Variants in PCDHA6 observed in about 807,000 individuals in gnomAD.
The protein encoded by PCDHA6 is protocadherin alpha-6.
In PCDHA6, 55 loss-of-function variants were observed where a neutral mutation model predicts 60.3. The ratio of observed to expected loss-of-function variants is 0.91; its 90% CI spans 0.73 to 1.14. The LOEUF is 1.14. Ranked by LOEUF, PCDHA6 falls within the 50% of genes most tolerant of loss-of-function variation. PCDHA6 has a pLI of 0.00. For synonymous variants in PCDHA6, 652 were observed against 557.9 expected, an observed-to-expected ratio of 1.17 and a Z score of -2.38; for missense variants, 1,327 against 1,256.5, an observed-to-expected ratio of 1.06 and a Z score of -0.85.
chr5:140,933,545 A>G (rs1424166462), intron 1 of PCDHA6, among the ~76,000 whole-genome samples: 1 of 152,114 alleles, frequency 6.6e-6, no homozygotes, highest in Non-Finnish European at 1.5e-5. Flanking sequence ...TAATGTTAAT[A>G]TAAAATAAAA....
intron 1 of PCDHA6, among the ~76,000 whole-genome samples, chr5:140,920,659 C>T (rs1325541731): frequency 1.3e-5 from 2 of 152,098 alleles, no homozygotes; most frequent in East Asian, 3.9e-4. Flanking sequence ...TCCTTGCCAA[C>T]ATGGTGAAAC....
chr5:140,850,940 A>G (rs2150503150), intron 1 of PCDHA6: 2 of 1,507,156 alleles, frequency 1.3e-6, no homozygotes, highest in East Asian at 2.3e-5. Context: ...TTCTTGAAAG[A>G]TATTATCGAT....
chr5:140,911,234 C>T (rs1554194655), intron 1 of PCDHA6, among the ~76,000 whole-genome samples: 1 of 151,890 alleles, frequency 6.6e-6, no homozygotes, highest in East Asian at 1.9e-4. Context: ...TTTCTTCTGG[C>T]AAAAAAAGTT....
At chr5:140,830,610 T>A in intron 1 of PCDHA6, 125 bp downstream of exon 1, 1 of 618,590 alleles carries the variant, frequency 1.6e-6, no homozygotes, top group Non-Finnish European at 2.5e-6. Context: ...ATATTTTCAT[T>A]TTATTGTGTT....
chr5:140,966,281 G>T, intron 1 of PCDHA6: 1 of 366,828 alleles, frequency 2.7e-6, no homozygotes, highest in Non-Finnish European at 4.8e-6. Context: ...TGGACAGTGG[G>T]GGTAGGGAGA....
intron 1 of PCDHA6, chr5:140,882,791 A>G (rs1554175610): frequency 6.2e-7 from 1 of 1,614,254 alleles, no homozygotes; most frequent in South Asian, 1.1e-5. Context: ...ACTGGATCCC[A>G]ACGATTATTT....
At chr5:140,852,255 T>A (rs1554145733) in intron 1 of PCDHA6, 1 of 511,528 alleles carries the variant, frequency 2.0e-6, no homozygotes, top group Middle Eastern at 9.9e-4. Context: ...ACTTTTGGAA[T>A]ATGCTACAAT....
intron 1 of PCDHA6, chr5:140,852,775 T>G (rs1554146101): frequency 1.0e-6 from 1 of 980,592 alleles, no homozygotes; most frequent in African/African-American, 1.8e-5. Context: ...TTATTTGATG[T>G]GAATAGAGGG....
chr5:140,944,136 G>A (rs536816208), intron 1 of PCDHA6, among the ~76,000 whole-genome samples: 3 of 152,136 alleles, frequency 2.0e-5, no homozygotes, highest in African/African-American at 7.2e-5. Context: ...AAAGGTTGAA[G>A]ATTAGAAGAG....
chr5:140,887,101 CTTT>C (rs200717289), intron 1 of PCDHA6, among the ~76,000 whole-genome samples: 1 of 145,292 alleles, frequency 6.9e-6, no homozygotes, highest in African/African-American at 2.5e-5. Flanking sequence ...ATCTTTATCT[CTTT>C]TTTTTTTTTT....
chr5:140,969,863 C>A (rs1305470999), intron 1 of PCDHA6, among the ~76,000 whole-genome samples: 1 of 152,156 alleles, frequency 6.6e-6, no homozygotes, highest in Non-Finnish European at 1.5e-5. Context: ...CTGGTACTTG[C>A]ACTGAACCTA....
intron 1 of PCDHA6, chr5:140,869,773 G>A (rs1554163437): frequency 6.2e-7 from 1 of 1,612,948 alleles, no homozygotes; most frequent in Non-Finnish European, 8.5e-7. Context: ...AGAGCTTACT[G>A]GCACCGTTCG....
intron 3 of PCDHA6, among the ~76,000 whole-genome samples, chr5:140,986,690 AAC>A (rs2097209708): frequency 6.6e-6 from 1 of 152,172 alleles, no homozygotes; most frequent in South Asian, 2.1e-4. Context: ...AAAGTTTCAA[AAC>A]ACACAGCACT....
chr5:140,937,511 G>A (rs569896730), intron 1 of PCDHA6, among the ~76,000 whole-genome samples: 2 of 152,166 alleles, frequency 1.3e-5, no homozygotes, highest in Non-Finnish European at 2.9e-5. Context: ...CAGCTACTCA[G>A]GAGGCTGAGG....
At chr5:140,842,475 T>A in intron 1 of PCDHA6, 4 of 1,613,948 alleles carry the variant, frequency 2.5e-6, no homozygotes, top group Non-Finnish European at 2.5e-6. Context: ...AACGGGCAGG[T>A]GACCTGCTCC....
rs541589842 is a variant in PCDHA6, at chr5:140,964,001, A to G, written c.2395-14948A>G. Reference sequence around the variant, plus strand: ...TCTATATTCCTAATTACTGTGTTCTACTTTTTAATAGAGAGCTCTTGAAGG... The same window carrying G: ...TCTATATTCCTAATTACTGTGTTCTGCTTTTTAATAGAGAGCTCTTGAAGG... On this transcript the variant is annotated intron_variant, in intron 1 of 3. Transcript: ENST00000529310. Among the ~76,000 whole-genome samples the G allele has an allele frequency of 9.2e-5, 14 of 152,286 alleles. No homozygotes were observed. The South Asian group carries it at 2.7e-3, about 29-fold the overall frequency.
intron 1 of PCDHA6, among the ~76,000 whole-genome samples, chr5:140,922,848 C>T (rs1345344826): frequency 2.6e-5 from 4 of 151,962 alleles, no homozygotes; most frequent in African/African-American, 9.7e-5. Flanking sequence ...TCAAAGAGAC[C>T]AAATACATAG....
intron 1 of PCDHA6, among the ~76,000 whole-genome samples, chr5:140,948,620 T>TTAA (rs1422284059): frequency 6.6e-6 from 1 of 151,716 alleles, no homozygotes; most frequent in African/African-American, 2.4e-5. Context: ...CACAAAGTTG[T>TTAA]TAATAATATT....
chr5:140,901,244 T>C (rs1166862455), intron 1 of PCDHA6, among the ~76,000 whole-genome samples: 3 of 152,212 alleles, frequency 2.0e-5, no homozygotes, highest in Non-Finnish European at 4.4e-5. Context: ...TTTTTTCCTT[T>C]GGTTCCCTGT....
Sources: gnomAD v4.1 joint callset for allele counts (sites outside exome capture counted in the v4.1 genomes callset) on GRCh38, gnomAD v4.1.1 for gene constraint, MANE v1.5 for transcripts, NCBI Gene and HGNC (gene_info 2026-07-23, HGNC 2026-07-21) for gene names.